GRK7: variants seen among roughly 807,000 people sequenced by gnomAD.
GRK7 encodes the protein G protein-coupled receptor kinase 7.
Under a neutral mutation model 34.1 loss-of-function variants are expected in GRK7, and 24 were observed. The ratio of observed to expected loss-of-function variants is 0.70; its 90% CI spans 0.51 to 0.99. The LOEUF is 0.99. Ranked by LOEUF, GRK7 falls within the 50% of genes least tolerant of loss-of-function variation. The probability of loss-of-function intolerance (pLI) is 0.00; values close to 1 mark genes in which losing one functional copy is unlikely to be tolerated. For missense variants in GRK7, 644 were observed against 707.3 expected (o/e 0.91, Z 1.02); for synonymous variants, 256 against 279.4 (o/e 0.92, Z 0.84).
chr3:141,774,801 ATT>A (rs140051237), intron 2 of GRK7, among the ~76,000 whole-genome samples, 121 bp downstream of exon 2: 1 of 104,126 alleles, frequency 9.6e-6, no homozygotes, highest in Admixed American at 1.1e-4. Context: ...TATTATTATT[ATT>A]ATTATTATTA....
chr3:141,819,216 T>C lies in GRK7; in HGVS notation c.*2166T>C, dbSNP rs1711184539. Among the ~76,000 whole-genome samples, 5 of 152,136 alleles carry C rather than the reference T, an allele frequency of 3.3e-5. No homozygotes were observed. Among genetic ancestry groups the C allele is most frequent in the Admixed American group, 2.0e-4 (3 of 15,270 alleles). ...AGACGTTAGACATTTAAAAACAACA[T>C]TGGTTATTTGTTGATTATGCCTTAA... On this transcript the variant is annotated 3_prime_UTR_variant, in exon 6 of 6. Transcript: ENST00000682958.
intron 4 of GRK7, among the ~76,000 whole-genome samples, chr3:141,789,826 CA>C (rs1428226398): frequency 6.6e-6 from 1 of 152,024 alleles, no homozygotes; most frequent in African/African-American, 2.4e-5. Flanking sequence ...GGACCCTTTA[CA>C]AAAAGATTCT....
upstream of GRK7, among the ~76,000 whole-genome samples, chr3:141,762,376 G>T (rs1453944136): frequency 2.7e-3 from 387 of 145,822 alleles, 5 homozygotes; most frequent in African/African-American, 9.4e-3. Flanking sequence ...ACCCTGCCGT[G>T]TGAGGTGTCA....
intron 5 of GRK7, among the ~76,000 whole-genome samples, chr3:141,814,925 T>G (rs1184137523): frequency 2.0e-5 from 3 of 147,748 alleles, no homozygotes; most frequent in Admixed American, 6.7e-5. Flanking sequence ...GGTTGGTTTT[T>G]TTTTTTTTTT....
intron 1 of GRK7, among the ~76,000 whole-genome samples, chr3:141,771,133 A>G (rs2084615154): frequency 6.6e-6 from 1 of 152,222 alleles, no homozygotes; most frequent in Non-Finnish European, 1.5e-5. Context: ...TCACAGCACT[A>G]TTCACAATAG....
intron 4 of GRK7, among the ~76,000 whole-genome samples, chr3:141,791,927 C>A (rs1425992627): frequency 6.6e-6 from 1 of 151,116 alleles, no homozygotes; most frequent in Non-Finnish European, 1.5e-5. Flanking sequence ...TCGCTTGAAC[C>A]CGGGAGGCGG....
intron 4 of GRK7, among the ~76,000 whole-genome samples, chr3:141,803,713 C>G (rs1290959983): frequency 6.6e-6 from 1 of 151,978 alleles, no homozygotes; most frequent in East Asian, 1.9e-4. Context: ...GTACTTCATT[C>G]CTTTCTTCCC....
intron 4 of GRK7, among the ~76,000 whole-genome samples, chr3:141,787,124 A>T (rs914306112): frequency 6.6e-6 from 1 of 152,154 alleles, no homozygotes; most frequent in African/African-American, 2.4e-5. Context: ...CCTGACCAAC[A>T]TCTCCATTTT....
chr3:141,768,981 C>A (rs1410378607), intron 1 of GRK7, among the ~76,000 whole-genome samples: 1 of 152,164 alleles, frequency 6.6e-6, no homozygotes, highest in African/African-American at 2.4e-5. Flanking sequence ...CCTTGTCCAT[C>A]TTCCAGTCTC....
chr3:141,801,076 C>T (rs1050144316), intron 4 of GRK7, among the ~76,000 whole-genome samples: 16 of 151,884 alleles, frequency 1.1e-4, no homozygotes, highest in Non-Finnish European at 2.9e-5. Context: ...TTTGGGAGGC[C>T]GAGGCGGGCG....
chr3:141,800,065 T>G (rs1291946530), intron 4 of GRK7, among the ~76,000 whole-genome samples: 1 of 152,122 alleles, frequency 6.6e-6, no homozygotes, highest in African/African-American at 2.4e-5. Flanking sequence ...CGTTTGGATG[T>G]TGTTTATAGT....
chr3:141,774,410 A>G (rs1040233691), intron 1 of GRK7, among the ~76,000 whole-genome samples, 170 bp from the exon 2 acceptor site: 2 of 152,178 alleles, frequency 1.3e-5, no homozygotes, highest in Non-Finnish European at 2.9e-5. Flanking sequence ...CAACAGAGTG[A>G]GACCCTGTCT....
intron 4 of GRK7, among the ~76,000 whole-genome samples, chr3:141,785,413 G>A (rs770461386): frequency 6.6e-6 from 1 of 152,156 alleles, no homozygotes; most frequent in Admixed American, 6.5e-5. Flanking sequence ...AGCACTTTGG[G>A]CCCAGGAGGA....
At chr3:141,774,383 C>G (rs2084629668) in intron 1 of GRK7, among the ~76,000 whole-genome samples, 197 bp from the exon 2 acceptor site, 1 of 151,766 alleles carries the variant, frequency 6.6e-6, no homozygotes, top group African/African-American at 2.4e-5. Context: ...GATTGAGCCA[C>G]TGCACATTAG....
At chr3:141,757,161 T>A in the GRK7 span, among the ~76,000 whole-genome samples, 2 of 143,564 alleles carry the variant, frequency 1.4e-5, no homozygotes, top group South Asian at 2.1e-4. Context: ...TTTTTTTTTT[T>A]ATTATACTTT....
At chr3:141,802,755 G>C (rs935799049) in intron 4 of GRK7, among the ~76,000 whole-genome samples, 1 of 152,068 alleles carries the variant, frequency 6.6e-6, no homozygotes, top group South Asian at 2.1e-4. Flanking sequence ...ATGACATGTC[G>C]GCAATATAGC....
intron 1 of GRK7, among the ~76,000 whole-genome samples, chr3:141,767,827 A>T (rs1280576003): frequency 3.3e-5 from 5 of 152,178 alleles, no homozygotes; most frequent in African/African-American, 1.2e-4. Context: ...GGACAATGCT[A>T]AGTGAAAAGT....
At chr3:141,806,992 T>C (rs1024586518) in intron 4 of GRK7, among the ~76,000 whole-genome samples, 1 of 152,080 alleles carries the variant, frequency 6.6e-6, no homozygotes, top group African/African-American at 2.4e-5. Flanking sequence ...CTAATGATCA[T>C]TTGGCATATA....
In GRK7 at chr3:141,807,724, T is replaced by C. The variant is rs890372504; in HGVS notation, c.1130T>C (p.Met377Thr). The stretch of plus-strand genomic sequence containing the variant: ...TCCTATCCTGTGGACTGGTTTGCCA[T>C]GGGATGCAGCATTTATGAAATGGTT... ...SYSYPVDWFAMGCSIYEMVAG... is the reference protein window; with the variant it reads ...SYSYPVDWFATGCSIYEMVAG... Residue 377 changes from methionine to threonine, a missense_variant, in exon 5 of 6, where the codon ATG (methionine) becomes ACG (threonine). Transcript: ENST00000682958. 2 of 1,613,928 alleles carry C rather than the reference T, an allele frequency of 1.2e-6. No individual in the cohort carries two copies. The highest frequency in any genetic ancestry group is 2.7e-5 in the African/African-American group (2 of 74,916).
Sources: allele counts gnomAD v4.1 joint callset (sites outside exome capture counted in the v4.1 genomes callset), GRCh38; gene constraint gnomAD v4.1.1; transcripts MANE v1.5; gene names NCBI Gene and HGNC (gene_info 2026-07-23, HGNC 2026-07-21).